Variants in CCT3 observed in about 807,000 individuals in gnomAD.
The protein encoded by CCT3 is T-complex protein 1 subunit gamma.
A neutral mutation model predicts 65.3 loss-of-function variants in CCT3; 10 were observed. The observed-to-expected ratio is 0.15, with a 90% CI of 0.09 to 0.26. CCT3 has a LOEUF of 0.26. Among genes scored for constraint, CCT3 ranks in the 10% least tolerant of loss-of-function variants. The pLI is 1.00. For missense variants in CCT3, 626 were observed against 708.7 expected, an observed-to-expected ratio of 0.88 and a Z score of 1.33; for synonymous variants, 225 against 242.3, an observed-to-expected ratio of 0.93 and a Z score of 0.66.
intron 8 of CCT3, 21 bp downstream of exon 8, chr1:156,318,847 G>C (rs1664420306): frequency 6.2e-7 from 1 of 1,602,716 alleles, no homozygotes; most frequent in Non-Finnish European, 8.5e-7. Context: ...CTACTTTAAG[G>C]AACAAGGCCA....
chr1:156,309,836 A>T (rs1664001565), intron 13 of CCT3, among the ~76,000 whole-genome samples: 1 of 151,516 alleles, frequency 6.6e-6, no homozygotes. Flanking sequence ...CAGGAGTTCG[A>T]GACCAGCCCG....
chr1:156,311,840 A>C (rs2101628995), intron 11 of CCT3, among the ~76,000 whole-genome samples: 1 of 152,290 alleles, frequency 6.6e-6, no homozygotes, highest in South Asian at 2.1e-4. Flanking sequence ...AAAATGATTA[A>C]GATGGTAAAT....
rs1241793425 is a variant in CCT3 at position 156,338,256 on chromosome 1, A to C, written c.-72T>G. The C allele has an allele frequency of 1.3e-6, 2 of 1,506,028 alleles. No individual in the cohort carries two copies. The highest frequency in any genetic ancestry group is 2.7e-5 in the African/African-American group (2 of 72,822). The allele number at this position is 1,506,028 out of a possible 1,614,324, so 93.3% of individuals were successfully genotyped here. On this transcript the variant is annotated 5_prime_UTR_variant, in exon 1 of 14. Coordinates refer to ENST00000295688, the MANE Select transcript of CCT3 (RefSeq NM_005998.5). Reference sequence around the variant, plus strand: ...GAACCTTCTGGAGAGAGAGAACCAGACAGAAGCCCAGAAAACGCTGCCTCC... The same window carrying C: ...GAACCTTCTGGAGAGAGAGAACCAGCCAGAAGCCCAGAAAACGCTGCCTCC...
chr1:156,329,882 T>C lies in CCT3; in HGVS notation c.304+3665A>G, dbSNP rs1260959472. 3.3e-5 allele frequency among the ~76,000 whole-genome samples: 5 copies of C among 151,092 alleles called. No individual in the cohort carries two copies. In the East Asian group the frequency reaches 9.9e-4, roughly 30 times the overall value. On this transcript the variant is annotated intron_variant, in intron 5 of 13. Transcript: ENST00000295688. ...GGAACCCGGGAGGCAGAGGCTGCAG[T>C]GAGCCAAGATCGCGCCAGTGCACTC... is the stretch of plus-strand genomic sequence containing the variant.
chr1:156,336,991 C>A, intron 1 of CCT3: 1 of 760,946 alleles, frequency 1.3e-6, no homozygotes, highest in Non-Finnish European at 1.8e-6. Context: ...GAAAGGCAGT[C>A]AGTATACAGA....
intron 7 of CCT3, among the ~76,000 whole-genome samples, chr1:156,320,019 C>G (rs1295428606): frequency 6.6e-5 from 10 of 152,176 alleles, no homozygotes; most frequent in Non-Finnish European, 1.3e-4. Context: ...GTGAAGGTAA[C>G]AACAAAACTA....
chr1:156,314,124 A>AC (rs1664208126), intron 10 of CCT3, among the ~76,000 whole-genome samples: 1 of 151,024 alleles, frequency 6.6e-6, no homozygotes, highest in African/African-American at 2.4e-5. Flanking sequence ...ATGAAAGAGA[A>AC]CCCCAACAAA....
intron 5 of CCT3, among the ~76,000 whole-genome samples, chr1:156,329,316 T>C (rs1665003922): frequency 1.3e-5 from 2 of 149,932 alleles, no homozygotes. Context: ...TTTTTTTTTT[T>C]TTTTTTTTGA....
chr1:156,322,370 G>A (rs1002284316), intron 6 of CCT3, among the ~76,000 whole-genome samples: 8 of 151,876 alleles, frequency 5.3e-5, no homozygotes, highest in African/African-American at 1.9e-4. Context: ...GGTGGTATGC[G>A]CCTGTAGTCC....
chr1:156,314,462 C>T (rs555225875), intron 10 of CCT3, among the ~76,000 whole-genome samples: 1 of 152,254 alleles, frequency 6.6e-6, no homozygotes, highest in East Asian at 1.9e-4. Flanking sequence ...CGCCTGTAAT[C>T]CCAGCACTTT....
chr1:156,310,830 G>A (rs927077956), intron 12 of CCT3, 120 bp downstream of exon 12: 76 of 1,463,498 alleles, frequency 5.2e-5, no homozygotes, highest in Non-Finnish European at 6.9e-5. Flanking sequence ...ACTAAAAGGA[G>A]AGAAAGATTT....
chr1:156,317,619 C>A, intron 8 of CCT3, 72 bp from the exon 9 acceptor site: 1 of 1,397,676 alleles, frequency 7.2e-7, no homozygotes, highest in Non-Finnish European at 9.8e-7. Flanking sequence ...ATATTATACT[C>A]CTTCCACCCA....
At chr1:156,317,339 A>G in intron 9 of CCT3, 76 bp downstream of exon 9, 1 of 1,594,398 alleles carries the variant, frequency 6.3e-7, no homozygotes. Context: ...CGCCCCTGCC[A>G]AACATGAGGG....
At chr1:156,326,649 C>CAAAA (rs760908966) in intron 5 of CCT3, among the ~76,000 whole-genome samples, 17 of 65,654 alleles carry the variant, frequency 2.6e-4, no homozygotes, top group African/African-American at 5.0e-4. Flanking sequence ...GACTCCATCT[C>CAAAA]AAAAAAAAAA....
At chr1:156,312,324 T>G in intron 10 of CCT3, 103 bp from the exon 11 acceptor site, 1 of 1,073,402 alleles carries the variant, frequency 9.3e-7, no homozygotes, top group Non-Finnish European at 1.3e-6. Context: ...AAAAGTGGAT[T>G]GTTGGAAACA....
intron 1 of CCT3, 103 bp downstream of exon 1, chr1:156,338,051 C>G (rs950349319): frequency 1.6e-6 from 2 of 1,273,792 alleles, no homozygotes; most frequent in African/African-American, 2.9e-5. Context: ...GATTGGAAGG[C>G]TCAGTGGCCC....
chr1:156,310,871 AG>A, intron 12 of CCT3, 78 bp downstream of exon 12: 1 of 1,526,202 alleles, frequency 6.6e-7, no homozygotes, highest in Non-Finnish European at 8.9e-7. Context: ...GAATTTGGAT[AG>A]CCAGATAAGA....
chr1:156,321,354 A>T (rs1664545990), intron 6 of CCT3, among the ~76,000 whole-genome samples: 1 of 151,616 alleles, frequency 6.6e-6, no homozygotes, highest in African/African-American at 2.4e-5. Context: ...GTCAAGACAC[A>T]TTTTTTTTTA....
intron 1 of CCT3, 85 bp downstream of exon 1, chr1:156,338,069 G>C: frequency 1.4e-6 from 2 of 1,455,104 alleles, no homozygotes; most frequent in South Asian, 1.2e-5. Flanking sequence ...CCCGGTCAGT[G>C]GGGGACGGAG....
Sources: gnomAD v4.1 joint callset for allele counts (sites outside exome capture counted in the v4.1 genomes callset) on GRCh38, gnomAD v4.1.1 for gene constraint, MANE v1.5 for transcripts, NCBI Gene and HGNC (gene_info 2026-07-23, HGNC 2026-07-21) for gene names.